Variants in DDX17 observed in about 807,000 individuals in gnomAD.
The protein encoded by DDX17 is DEAD-box helicase 17, also known as probable ATP-dependent RNA helicase DDX17.
A neutral mutation model predicts 80.8 loss-of-function variants in DDX17; 10 were observed. That is an observed-to-expected ratio of 0.12 (90% CI 0.08 to 0.21). DDX17 has a LOEUF of 0.21. Among genes scored for constraint, DDX17 ranks in the 10% least tolerant of loss-of-function variants. The pLI is 1.00. For missense variants in DDX17, 586 were observed against 957.4 expected (o/e 0.61, Z 5.12); for synonymous variants, 339 against 336.2 (o/e 1.01, Z -0.09).
At chr22:38,488,618 A>T (rs539181990) in intron 11 of DDX17, 1 of 988,370 alleles carries the variant, frequency 1.0e-6, no homozygotes, top group Non-Finnish European at 1.2e-6. Flanking sequence ...AAGGAGCTTC[A>T]TATATTTTAT....
rs147903850 is a variant in DDX17 at position 38,506,062 on chromosome 22, G to A, written c.176C>T (p.Pro59Leu). ...GATGGCCGGGCTCGGGAGGGCCTGC[G>A]GCTCCGGTCTGGTGACGACCGATGG... Residue 59 changes from proline to leucine, a missense_variant, in exon 1 of 13, where the codon CCG becomes CTG. By Grantham distance (98) the Pro-to-Leu change is moderately conservative. Around this residue, in one of 4 missense-constraint regions of DDX17, gnomAD observed 215 missense variants for 238.4 expected, o/e 0.90. Coordinates refer to ENST00000403230, the MANE Select transcript of DDX17 (RefSeq NM_006386.5). 842 of 1,585,120 alleles carry A rather than the reference G, an allele frequency of 5.3e-4. 11 individuals are homozygous for A. The East Asian group carries it at 0.017, about 33-fold the overall frequency.
In DDX17 at chr22:38,486,272, C is replaced by T. The variant is rs532376168; in HGVS notation, c.1853G>A (p.Gly618Asp). The stretch of plus-strand genomic sequence containing the variant: ...AAAGGCAGAATTTGGACTTCCATAG[C>T]CACTGCCATTAGCATAACCAGCTCT... The change falls in exon 13 of 13, where the codon GGC (glycine) becomes GAC (aspartate). Residue 618 changes from glycine (G) to aspartate (D), a missense_variant. Transcript: ENST00000403230. The T allele has an allele frequency of 6.2e-7, 1 of 1,614,196 alleles. No homozygotes were observed. Among genetic ancestry groups the T allele is most frequent in the Non-Finnish European group, 8.5e-7 (1 of 1,180,036 alleles).
At chr22:38,493,836 G>A in intron 9 of DDX17, 65 bp from the exon 10 acceptor site, 1 of 1,510,238 alleles carries the variant, frequency 6.6e-7, no homozygotes, top group South Asian at 1.1e-5. Context: ...GAACTTTAAA[G>A]CCAAATGCTA....
At chr22:38,496,089 T>C (rs2089763479) in intron 5 of DDX17, 152 bp from the exon 6 acceptor site, 4 of 646,150 alleles carry the variant, frequency 6.2e-6, no homozygotes, top group Non-Finnish European at 9.3e-6. Flanking sequence ...AAGTGGGGAA[T>C]ATTAGCACAA....
intron 4 of DDX17, 31 bp from the exon 5 acceptor site, chr22:38,498,181 C>G (rs118095885): frequency 3.1e-6 from 5 of 1,603,290 alleles, no homozygotes; most frequent in Non-Finnish European, 4.3e-6. Context: ...GACAACCTTA[C>G]GCTTAGAAGT....
chr22:38,494,287 T>C (rs944719620), intron 8 of DDX17, 156 bp from the exon 9 acceptor site: 1 of 617,414 alleles, frequency 1.6e-6, no homozygotes, highest in African/African-American at 1.8e-5. Flanking sequence ...GGTTCTGCTA[T>C]GTGCTCAAGA....
intron 12 of DDX17, 23 bp downstream of exon 12, chr22:38,487,855 GA>G (rs762976463): frequency 6.8e-5 from 110 of 1,613,306 alleles, no homozygotes; most frequent in Non-Finnish European, 8.8e-5. Context: ...GCAGTACCTG[GA>G]AAACTCCAGG....
chr22:38,486,575 G>C (rs902655191), intron 12 of DDX17, 135 bp from the exon 13 acceptor site: 19 of 1,300,714 alleles, frequency 1.5e-5, no homozygotes, highest in Non-Finnish European at 1.9e-5. Flanking sequence ...CTCCCAATTA[G>C]TACTGTAAAA....
At chr22:38,505,629 A>C (rs2037768856) in intron 1 of DDX17, 1 of 286,914 alleles carries the variant, frequency 3.5e-6, no homozygotes. Context: ...CCGGGAAACC[A>C]GGCGAGGCGC....
intron 11 of DDX17, chr22:38,490,512 A>G (rs1016676360): frequency 8.0e-5 from 96 of 1,195,608 alleles, no homozygotes; most frequent in Admixed American, 1.7e-4. Context: ...AAAAGGAAAA[A>G]TAAAAAATAT....
chr22:38,498,378 GACA>G, intron 4 of DDX17, 59 bp downstream of exon 4: 1 of 1,601,208 alleles, frequency 6.2e-7, no homozygotes, highest in South Asian at 1.1e-5. Flanking sequence ...GAGAACGTAT[GACA>G]ACTAGAATAG....
intron 1 of DDX17, 118 bp from the exon 2 acceptor site, chr22:38,501,398 G>C (rs2089829410): frequency 1.6e-6 from 2 of 1,215,058 alleles, no homozygotes; most frequent in Non-Finnish European, 1.1e-6. Context: ...CCTCCAAAAA[G>C]ACCATTTTAT....
At chr22:38,505,743 C>G in intron 1 of DDX17, 1 of 593,802 alleles carries the variant, frequency 1.7e-6, no homozygotes, top group South Asian at 2.2e-5. Flanking sequence ...CACGGAGAGG[C>G]CCAGCGTCGC....
Position 38,486,451 on chromosome 22 carries a change from G to GA in DDX17, c.1685-12dup. 1 of 1,578,558 alleles carries GA rather than the reference G, an allele frequency of 6.3e-7. No individual in the cohort carries two copies. Among genetic ancestry groups the GA allele is most frequent in the Non-Finnish European group, 8.6e-7 (1 of 1,161,944 alleles). Reference sequence around the variant, plus strand: ...AACGAGAACGACCACCTAATGGGAAGATACAAGAAGATTTTTAATGGCAGA... The same window carrying GA: ...AACGAGAACGACCACCTAATGGGAAGAATACAAGAAGATTTTTAATGGCAGA... On this transcript the variant is annotated splice_polypyrimidine_tract_variant and intron_variant, in intron 12 of 12. Coordinates refer to ENST00000403230, the MANE Select transcript of DDX17 (RefSeq NM_006386.5).
At chr22:38,501,310 A>G (rs776302589) in intron 1 of DDX17, 30 bp from the exon 2 acceptor site, 50 of 1,595,396 alleles carry the variant, frequency 3.1e-5, no homozygotes, top group Non-Finnish European at 4.0e-5. Context: ...TTAGTTCATC[A>G]GTATTTTTAA....
In DDX17 at chr22:38,498,083, A is replaced by G. The variant is rs763618907; in HGVS notation, c.738+2T>C. 6.2e-7 allele frequency: 1 copy of G among 1,613,576 alleles called. No individual in the cohort carries two copies. The highest frequency in any genetic ancestry group is 8.5e-7 in the Non-Finnish European group (1 of 1,179,552). ...ATTACAAAGAAACTGAAACACACTT[A>G]CGATTGGGCCATCTCCCCTTTCCAA... is the stretch of plus-strand genomic sequence containing the variant. On this transcript the variant is annotated splice_donor_variant, in intron 5 of 12. Coordinates refer to ENST00000403230, the MANE Select transcript of DDX17 (RefSeq NM_006386.5). LOFTEE classifies it high-confidence loss of function.
chr22:38,505,361 C>T (rs1409067864), intron 1 of DDX17: 1 of 152,322 alleles, frequency 6.6e-6, no homozygotes, highest in Non-Finnish European at 1.5e-5. Flanking sequence ...AGCAACTCCA[C>T]TGCTTTACAT....
intron 11 of DDX17, chr22:38,490,288 G>A: frequency 3.2e-6 from 4 of 1,268,700 alleles, no homozygotes; most frequent in South Asian, 1.3e-5. Flanking sequence ...AGAACCTTTT[G>A]TCTGAAAGGC....
Position 38,486,146 on chromosome 22 carries a change from TA to T in DDX17, c.1978del (p.Tyr660MetfsTer23). 1 of 1,614,200 alleles carries T rather than the reference TA, an allele frequency of 6.2e-7. No individual in the cohort carries two copies. The highest frequency in any genetic ancestry group is 8.5e-7 in the Non-Finnish European group (1 of 1,180,042). On this transcript the variant is annotated frameshift_variant, in exon 13 of 13. Transcript: ENST00000403230. LOFTEE classifies it high-confidence loss of function. The stretch of plus-strand genomic sequence containing the variant: ...AGTTGAGGTGGTGCTACTAGCTCCA[TA>T]AGTGCCAGCACCATATTCTTGAGCT...
Sources: allele counts gnomAD v4.1 joint callset, GRCh38; gene constraint gnomAD v4.1.1; regional missense constraint gnomAD v4.1.1; transcripts MANE v1.5; gene names NCBI Gene and HGNC (gene_info 2026-07-23, HGNC 2026-07-21).